The following IL18BP variants were observed in gnomAD, a reference collection of about 807,000 sequenced individuals.
IL18BP encodes the protein interleukin 18 binding protein.
In IL18BP, 23 loss-of-function variants were observed where a neutral mutation model predicts 19.9. That is an observed-to-expected ratio of 1.15 (90% CI 0.83 to 1.64). IL18BP has a LOEUF of 1.64. IL18BP is among the 40% of genes most tolerant of loss of function. The pLI, the probability that IL18BP is intolerant of heterozygous loss-of-function variation, is 0.00. For missense variants in IL18BP, 239 were observed against 240.7 expected (o/e 0.99, Z 0.05); for synonymous variants, 107 against 101.0 (o/e 1.06, Z -0.35).
At chr11:72,005,770 C>T, downstream of IL18BP, 1 of 530,910 alleles carries the variant, frequency 1.9e-6, no homozygotes, top group South Asian at 2.6e-5. Context: ...CTGAGAAGGG[C>T]ATGGAGGACT....
chr11:72,001,729 G>A (rs1955258118), intron 5 of IL18BP, 55 bp from the exon 6 acceptor site: 2 of 1,613,452 alleles, frequency 1.2e-6, no homozygotes, highest in Non-Finnish European at 1.7e-6. Context: ...GGGGCAAAGT[G>A]ATGAGATGTC....
chr11:72,007,327 G>A (rs200576707), downstream of IL18BP: 151 of 1,613,570 alleles, frequency 9.4e-5, no homozygotes, highest in Non-Finnish European at 1.1e-4. Flanking sequence ...GGATGGGAGT[G>A]AAGTAGAGAC....
At chr11:72,006,573 G>T (rs538541500), downstream of IL18BP, among the ~76,000 whole-genome samples, 10 of 152,274 alleles carry the variant, frequency 6.6e-5, no homozygotes, top group African/African-American at 2.2e-4. Flanking sequence ...AAAGTGACTA[G>T]CCCCAAATCA....
chr11:72,007,428 G>A (rs753096338), downstream of IL18BP: 2 of 1,613,380 alleles, frequency 1.2e-6, no homozygotes, highest in Non-Finnish European at 1.7e-6. Context: ...TGGGTACGAG[G>A]CAGCTTGCTA....
At chr11:72,004,467 CTG>C, downstream of IL18BP, 1 of 1,217,642 alleles carries the variant, frequency 8.2e-7, no homozygotes, top group East Asian at 2.3e-5. Context: ...CTTCCCAACT[CTG>C]GGCCAGATCC....
chr11:72,003,778 C>A, downstream of IL18BP: 1 of 1,214,770 alleles, frequency 8.2e-7, no homozygotes. Flanking sequence ...TACCCCACAC[C>A]CTCCAGCAGC....
downstream of IL18BP, chr11:72,004,416 G>A: frequency 7.3e-7 from 1 of 1,376,404 alleles, no homozygotes; most frequent in Non-Finnish European, 1.0e-6. Context: ...TGTCCTCTCA[G>A]AGCTGAGTGG....
Position 72,001,325 on chromosome 11 carries a change from G to A in IL18BP, c.359+1G>A. 6.2e-7 allele frequency: 1 copy of A among 1,614,260 alleles called. No homozygotes were observed. Among genetic ancestry groups the A allele is most frequent in the East Asian group, 2.2e-5 (1 of 44,886 alleles). ...GCCGACTGTGGGAGGGGAGCACCAGGTGAGGGTCGCAGCAGCCAGGTGGGT... is the reference window on the plus strand; with the variant it reads ...GCCGACTGTGGGAGGGGAGCACCAGATGAGGGTCGCAGCAGCCAGGTGGGT... On this transcript the variant is annotated splice_donor_variant, in intron 4 of 5. Transcript: ENST00000393703. LOFTEE classifies it high-confidence loss of function.
downstream of IL18BP, chr11:72,007,896 CT>C: frequency 2.8e-6 from 1 of 353,088 alleles, no homozygotes; most frequent in Non-Finnish European, 5.5e-6. Context: ...TGCTCATGTC[CT>C]TTCCCTGGTC....
At chr11:72,004,957 C>T (rs1411452482), downstream of IL18BP, 1 of 893,838 alleles carries the variant, frequency 1.1e-6, no homozygotes, top group East Asian at 2.8e-5. Context: ...GACACAAGGC[C>T]TCCTTTCCTG....
downstream of IL18BP, chr11:72,007,505 A>G: frequency 6.4e-7 from 1 of 1,567,240 alleles, no homozygotes; most frequent in Non-Finnish European, 8.6e-7. Flanking sequence ...CCTTTTTGAA[A>G]GTGACCATTT....
At chr11:72,003,409 G>GAA (rs1359573795), downstream of IL18BP, 6 of 989,142 alleles carry the variant, frequency 6.1e-6, no homozygotes, top group Non-Finnish European at 9.8e-6. Context: ...CTGTCTCTAG[G>GAA]GGTTTGGCTA....
In IL18BP at chr11:72,001,467, C is replaced by A. The variant is rs1283829547; in HGVS notation, c.422C>A (p.Pro141His). 6.2e-7 allele frequency: 1 copy of A among 1,614,168 alleles called. No individual in the cohort carries two copies. ...GCCTTGGTGCTGGAGCAGCTGACCC[C>A]TGCCCTGCACAGCACCAACTTCTCC... The part of the protein sequence containing the change: ...CKALVLEQLT[P>H]ALHSTNFSCV... The change falls in exon 5 of 6, where the codon CCT (proline) becomes CAT (histidine). Residue 141 changes from proline (P) to histidine (H), a missense_variant. Coordinates refer to ENST00000393703, the MANE Select transcript of IL18BP (RefSeq NM_001039660.2).
chr11:72,003,984 G>A (rs767773149), downstream of IL18BP: 6 of 1,613,412 alleles, frequency 3.7e-6, no homozygotes, highest in East Asian at 2.2e-5. Flanking sequence ...TCCACTGCGA[G>A]TGTTGGGGGA....
chr11:72,007,165 C>T, downstream of IL18BP: 1 of 1,602,298 alleles, frequency 6.2e-7, no homozygotes, highest in South Asian at 1.1e-5. Flanking sequence ...TGCTGCCCTG[C>T]AGCCCCTGTC....
At chr11:71,999,875 A>T in intron 1 of IL18BP, 52 bp from the exon 2 acceptor site, 1 of 1,084,532 alleles carries the variant, frequency 9.2e-7, no homozygotes, top group Non-Finnish European at 1.4e-6. Flanking sequence ...AAAGCCAGCT[A>T]CTGAGAAAAA....
downstream of IL18BP, chr11:72,003,701 TCTCCATGAGAATGGGG>T (rs1474605685): frequency 9.7e-7 from 1 of 1,034,068 alleles, no homozygotes; most frequent in Non-Finnish European, 1.5e-6. Flanking sequence ...CTCTGGGTGC[TCTCCATGAGAATGGGG>T]CCATCTGTCT....
In IL18BP at chr11:72,000,297, C is replaced by T. The variant is rs941101048; in HGVS notation, c.29-54C>T. 16 of 1,494,396 alleles carry T rather than the reference C, an allele frequency of 1.1e-5. No individual in the cohort carries two copies. The African/African-American group carries it at 1.1e-4, about 10-fold the overall frequency. 92.6% of individuals were successfully genotyped at this position (1,494,396 alleles called of 1,614,324 possible). On this transcript the variant is annotated intron_variant, in intron 2 of 5. Coordinates refer to ENST00000393703, the MANE Select transcript of IL18BP (RefSeq NM_001039660.2). ...TCTGGGCTGGAGTTACATCCTTACC[C>T]GGGCAGCCCACTCTGTCTCCAGAGC... is the stretch of plus-strand genomic sequence containing the variant.
chr11:72,007,560 T>A, downstream of IL18BP: 2 of 1,256,842 alleles, frequency 1.6e-6, no homozygotes, highest in East Asian at 5.1e-5. Context: ...CCCATCTCTC[T>A]GATTTTTCAG....
Sources: gnomAD v4.1 joint callset for allele counts (sites outside exome capture counted in the v4.1 genomes callset) on GRCh38, gnomAD v4.1.1 for gene constraint, MANE v1.5 for transcripts, NCBI Gene and HGNC (gene_info 2026-07-23, HGNC 2026-07-21) for gene names.